DIP2C: variants seen among roughly 807,000 people sequenced by gnomAD.
DIP2C encodes the protein disco-interacting protein 2 homolog C.
In DIP2C, 33 loss-of-function variants were observed where a neutral mutation model predicts 192.4. The ratio of observed to expected loss-of-function variants is 0.17; its 90% confidence interval spans 0.13 to 0.23. The LOEUF is 0.23. Among genes scored for constraint, DIP2C ranks in the 10% least tolerant of loss-of-function variants. The pLI is 1.00. For missense variants in DIP2C, 1,537 were observed against 2,110.1 expected, an observed-to-expected ratio of 0.73 and a Z score of 5.32; for synonymous variants, 979 against 864.1, an observed-to-expected ratio of 1.13 and a Z score of -2.33.
At chr10:587,450 A>C (rs924270031) in intron 1 of DIP2C, among the ~76,000 whole-genome samples, 1 of 152,206 alleles carries the variant, frequency 6.6e-6, no homozygotes, top group Non-Finnish European at 1.5e-5. Flanking sequence ...GCCATAGGTC[A>C]CCCCATGTGA....
intron 14 of DIP2C, among the ~76,000 whole-genome samples, chr10:386,524 C>A (rs2132917914): frequency 6.6e-6 from 1 of 152,304 alleles, no homozygotes; most frequent in South Asian, 2.1e-4. Flanking sequence ...CCCACTGCAC[C>A]AGCACACAGT....
chr10:638,297 T>C (rs866262995), intron 1 of DIP2C, among the ~76,000 whole-genome samples: 4 of 152,346 alleles, frequency 2.6e-5, no homozygotes, highest in Middle Eastern at 3.4e-3. Context: ...ACTCAGTATG[T>C]GTTTGATGAA....
At chr10:365,019 A>G (rs770793411) in intron 19 of DIP2C, 1 of 532,108 alleles carries the variant, frequency 1.9e-6, no homozygotes, top group African/African-American at 1.9e-5. Context: ...TGTTGGAAGT[A>G]TGCTGAAAAG....
At position 303,181 on chromosome 10, in the gene DIP2C, C is replaced by T. The variant is rs550008866; in HGVS notation, c.3986+6850G>A. Reference sequence around the variant, plus strand: ...GCGGTAGATTCTTAAACACTGTACTCGTAAGCTAAGACATCATCCACGTGC... The same window carrying T: ...GCGGTAGATTCTTAAACACTGTACTTGTAAGCTAAGACATCATCCACGTGC... On this transcript the variant is annotated intron_variant, in intron 32 of 36. Transcript: ENST00000280886. Among the ~76,000 whole-genome samples the T allele has an allele frequency of 4.6e-5, 7 of 152,158 alleles. 1 individual carries two copies. The highest frequency in any genetic ancestry group is 7.2e-5 in the African/African-American group (3 of 41,494).
chr10:440,130 G>A (rs2133264332), intron 4 of DIP2C, among the ~76,000 whole-genome samples: 1 of 152,248 alleles, frequency 6.6e-6, no homozygotes, highest in East Asian at 1.9e-4. Flanking sequence ...ATAATTATTT[G>A]GGCAGAGAAA....
intron 17 of DIP2C, among the ~76,000 whole-genome samples, chr10:376,254 C>T (rs1048184234): frequency 2.0e-5 from 3 of 148,172 alleles, no homozygotes; most frequent in African/African-American, 5.2e-5. Context: ...CCTCGGCCCC[C>T]GACAGAGCCG....
chr10:621,402 CTA>C (rs996506706), intron 1 of DIP2C, among the ~76,000 whole-genome samples: 12 of 151,836 alleles, frequency 7.9e-5, no homozygotes, highest in Non-Finnish European at 1.0e-4. Flanking sequence ...GGTGCACACA[CTA>C]TGTGCTCACG....
chr10:330,229 T>A (rs1351227632), intron 29 of DIP2C, among the ~76,000 whole-genome samples: 1 of 152,136 alleles, frequency 6.6e-6, no homozygotes, highest in African/African-American at 2.4e-5. Flanking sequence ...CTTTTTAAGA[T>A]CAGATTTTTA....
intron 24 of DIP2C, among the ~76,000 whole-genome samples, chr10:353,974 C>T (rs7916145): frequency 0.068 from 10,419 of 152,276 alleles, 501 homozygotes; most frequent in East Asian, 0.2. Context: ...CTATGAATGC[C>T]GTGAGGACGA....
chr10:517,698 C>A (rs1846446397), intron 1 of DIP2C, among the ~76,000 whole-genome samples: 1 of 152,182 alleles, frequency 6.6e-6, no homozygotes, highest in Admixed American at 6.5e-5. Context: ...AAACGTGTCA[C>A]CAGCAGAAAG....
chr10:309,148 T>C (rs984281151), intron 32 of DIP2C, among the ~76,000 whole-genome samples: 2 of 152,150 alleles, frequency 1.3e-5, no homozygotes, highest in African/African-American at 4.8e-5. Flanking sequence ...ACGGGGGAAG[T>C]CTGCAGTAAA....
At chr10:447,639 A>G (rs926054311) in intron 3 of DIP2C, among the ~76,000 whole-genome samples, 1 of 141,848 alleles carries the variant, frequency 7.0e-6, no homozygotes, top group Non-Finnish European at 1.5e-5. Flanking sequence ...TCAGGATCAC[A>G]CACAGTGGGG....
chr10:323,400 CCGGCGAGAGACCGGCGCTGTTAGAA>C (rs1218469613), intron 31 of DIP2C, among the ~76,000 whole-genome samples: 5,620 of 132,968 alleles, frequency 0.042, 1,284 homozygotes, highest in African/African-American at 0.068. Flanking sequence ...GTGCGGGGCT[CCGGCGAGAGACCGGCGCTGTTAGAA>C]CAGTCAGTCG....
intron 1 of DIP2C, among the ~76,000 whole-genome samples, chr10:609,820 C>T (rs1852947227): frequency 6.6e-6 from 1 of 152,176 alleles, no homozygotes; most frequent in Non-Finnish European, 1.5e-5. Flanking sequence ...TGTCCAGGGT[C>T]ACTGGGACCC....
At chr10:533,199 C>T (rs1261039365) in intron 1 of DIP2C, among the ~76,000 whole-genome samples, 1 of 152,160 alleles carries the variant, frequency 6.6e-6, no homozygotes, top group Non-Finnish European at 1.5e-5. Context: ...TCAAATGCAG[C>T]AGCATCTCCG....
chr10:346,607 C>A (rs867755067), intron 26 of DIP2C, among the ~76,000 whole-genome samples: 1 of 88,544 alleles, frequency 1.1e-5, no homozygotes, highest in African/African-American at 4.6e-5. Context: ...CCCAGACACA[C>A]CGCGCATAGT....
intron 32 of DIP2C, among the ~76,000 whole-genome samples, chr10:296,374 A>G (rs1425705524): frequency 6.6e-6 from 1 of 152,160 alleles, no homozygotes; most frequent in Non-Finnish European, 1.5e-5. Flanking sequence ...CAATCATTAA[A>G]AAGTCAGGAA....
At chr10:523,138 T>C (rs906909366) in intron 1 of DIP2C, among the ~76,000 whole-genome samples, 4 of 149,716 alleles carry the variant, frequency 2.7e-5, no homozygotes, top group African/African-American at 9.9e-5. Context: ...CACACACTCG[T>C]TTCTACCTTA....
At chr10:476,304 G>A (rs367708654) in intron 2 of DIP2C, among the ~76,000 whole-genome samples, 18 of 152,296 alleles carry the variant, frequency 1.2e-4, no homozygotes, top group African/African-American at 4.3e-4. Context: ...GCTCAGATCC[G>A]GTCCTCCGGG....
Sources: allele counts gnomAD v4.1 joint callset (sites outside exome capture counted in the v4.1 genomes callset), GRCh38; gene constraint gnomAD v4.1.1; transcripts MANE v1.5; gene names NCBI Gene and HGNC (gene_info 2026-07-23, HGNC 2026-07-21).